Variants in DNAH17 observed in about 807,000 individuals in gnomAD.
DNAH17 encodes axonemal beta dynein heavy chain 17.
Under a neutral mutation model 485.6 loss-of-function variants are expected in DNAH17, and 376 were observed. The ratio of observed to expected loss-of-function variants is 0.77; its 90% CI spans 0.71 to 0.84. The LOEUF (loss-of-function observed/expected upper bound fraction) is 0.84. DNAH17 is among the 40% of genes least tolerant of loss of function. The pLI is 0.00. For synonymous variants in DNAH17, 3,031 were observed against 2,405.9 expected, an observed-to-expected ratio of 1.26 and a Z score of -7.60; for missense variants, 6,370 against 5,839.3, an observed-to-expected ratio of 1.09 and a Z score of -2.96.
intron 13 of DNAH17, among the ~76,000 whole-genome samples, chr17:78,560,424 C>A (rs1757661526): frequency 6.6e-6 from 1 of 152,162 alleles, no homozygotes; most frequent in Non-Finnish European, 1.5e-5. Context: ...GAATTCTCCC[C>A]AGTGTGCCTG....
intron 14 of DNAH17, among the ~76,000 whole-genome samples, chr17:78,554,598 G>C (rs2091980951): frequency 6.6e-6 from 1 of 151,660 alleles, no homozygotes; most frequent in African/African-American, 2.4e-5. Flanking sequence ...TAAATAATAA[G>C]CACCATTTAG....
Position 78,570,374 on chromosome 17 carries a change from TG to T in DNAH17, c.919-3del, listed in dbSNP as rs1409811363. 1.2e-6 allele frequency: 2 copies of T among 1,609,446 alleles called. No individual in the cohort carries two copies. Among genetic ancestry groups the T allele is most frequent in the Admixed American group, 3.4e-5 (2 of 59,554 alleles). ...CACCTTGGCAATGAAGGTGGGGAGC[TG>T]GGGGGAGACAGGCCCAGGCACACTG... On this transcript the variant is annotated splice_region_variant and splice_polypyrimidine_tract_variant and intron_variant, in intron 6 of 80. Coordinates refer to ENST00000389840, the MANE Select transcript of DNAH17 (RefSeq NM_173628.4).
At chr17:78,490,874 G>C (rs1044820580) in intron 43 of DNAH17, 27 bp from the exon 44 acceptor site, 21 of 1,563,542 alleles carry the variant, frequency 1.3e-5, no homozygotes, top group Non-Finnish European at 1.8e-5. Context: ...AGCCCGTGGG[G>C]TCCTAAGGCG....
rs374360300 is a variant in DNAH17 at position 78,426,992 on chromosome 17, A to G, written c.12705T>C (p.Cys4235=). The part of the protein sequence containing the change: ...TPYVVVAFQE[C]ERMNILTNEM... ...CGTTGGTCAGGATGTTCATTCTTTC[A>G]CATTCTTGAAAGGCGACTACCACGT... The change falls in exon 78 of 81, where the codon TGT becomes TGC. Residue 4235 remains cysteine, a synonymous_variant. Coordinates refer to ENST00000389840, the MANE Select transcript of DNAH17 (RefSeq NM_173628.4). 3.4e-4 allele frequency: 546 copies of G among 1,610,432 alleles called. 3 individuals are homozygous for G. The highest frequency in any genetic ancestry group is 1.2e-3 in the South Asian group (110 of 90,228).
intron 80 of DNAH17, chr17:78,424,405 T>C: frequency 2.2e-6 from 1 of 451,174 alleles, no homozygotes; most frequent in East Asian, 3.5e-5. Flanking sequence ...TTTAAATCTG[T>C]GGCATTTTCA....
chr17:78,567,718 GCTCC>G (rs955596031), intron 9 of DNAH17, among the ~76,000 whole-genome samples: 2 of 152,016 alleles, frequency 1.3e-5, no homozygotes, highest in African/African-American at 4.8e-5. Flanking sequence ...TCCCTGAAGC[GCTCC>G]CTGACTATTT....
Position 78,526,694 on chromosome 17 carries a change from G to A in DNAH17, c.3668C>T (p.Pro1223Leu), listed in dbSNP as rs918459056. The A allele has an allele frequency of 2.9e-5, 46 of 1,611,144 alleles. No homozygotes were observed. Among genetic ancestry groups the A allele is most frequent in the Non-Finnish European group, 3.8e-5 (45 of 1,177,836 alleles). Residue 1223 changes from proline (P) to leucine (L), a missense_variant, in exon 24 of 81, where the codon CCG (proline) becomes CTG (leucine). By Grantham distance (98) the Pro-to-Leu change is moderately conservative. Transcript: ENST00000389840. ...EFRERFRREA[P>L]FSFSDPNPYK... Reference sequence around the variant, plus strand: ...GGGGTTGGGGTCGCTGAAGGAGAACGGGGCCTCGCGCCTGAACCTCTCCCT... The same window carrying A: ...GGGGTTGGGGTCGCTGAAGGAGAACAGGGCCTCGCGCCTGAACCTCTCCCT...
chr17:78,453,000 G>T (rs1250118258), intron 65 of DNAH17, among the ~76,000 whole-genome samples: 1 of 151,994 alleles, frequency 6.6e-6, no homozygotes, highest in Admixed American at 6.6e-5. Context: ...ATTTTAATGT[G>T]GTTAATTTTA....
Position 78,571,303 on chromosome 17 carries a change from T to A in DNAH17, c.808A>T (p.Asn270Tyr). The change falls in exon 5 of 81, where the codon AAC becomes TAC. Residue 270 changes from asparagine (N) to tyrosine (Y), a missense_variant. Physicochemically the swap from Asn to Tyr is moderately radical, Grantham distance 143. Transcript: ENST00000389840. Reference sequence around the variant, plus strand: ...CCTTCAGTGACGTTGGTGTAAACGTTTTGCAGGGCTGGCCAGTAGCAGCTT... The same window carrying A: ...CCTTCAGTGACGTTGGTGTAAACGTATTGCAGGGCTGGCCAGTAGCAGCTT... ...AKSCYWPALQ[N>Y]VYTNVTEGLK... is the part of the protein sequence containing the mutation. The A allele has an allele frequency of 6.2e-7, 1 of 1,613,772 alleles. No individual in the cohort carries two copies. Among genetic ancestry groups the A allele is most frequent in the African/African-American group, 1.3e-5 (1 of 75,038 alleles).
At position 78,506,788 on chromosome 17, in the gene DNAH17, G is replaced by A; in HGVS notation, c.4735C>T (p.Pro1579Ser). 1 of 1,613,978 alleles carries A rather than the reference G, an allele frequency of 6.2e-7. No individual in the cohort carries two copies. Among genetic ancestry groups the A allele is most frequent in the Non-Finnish European group, 8.5e-7 (1 of 1,179,888 alleles). The stretch of plus-strand genomic sequence containing the variant: ...GCCGAGGAGACAAAATAGAACCGGG[G>A]GAAAGCCAGTCTTTTCGTCTCTAAA... ...EYLETKRLAF[P>S]RFYFVSSADL... Residue 1579 changes from proline (P) to serine (S), a missense_variant, in exon 30 of 81, where the codon CCC becomes TCC. Transcript: ENST00000389840.
At chr17:78,504,815 C>T (rs2090432082) in intron 31 of DNAH17, among the ~76,000 whole-genome samples, 1 of 149,086 alleles carries the variant, frequency 6.7e-6, no homozygotes, top group Admixed American at 6.7e-5. Context: ...TGGGAATTGG[C>T]AGTTCAGAGA....
At position 78,462,866 on chromosome 17, in the gene DNAH17, T is replaced by C. The variant is rs1321864763; in HGVS notation, c.9152A>G (p.Lys3051Arg). ...TACCTGGGAAGCCGTGCTCTGCAGC[T>C]TCATCAGGCCGTTCTCCAGCCTCTC... ...KIERLENGLM[K>R]LQSTASQVDD... Residue 3051 changes from lysine to arginine, a missense_variant, in exon 57 of 81, where the codon AAG becomes AGG. By Grantham distance (26) the Lys-to-Arg change is conservative. Transcript: ENST00000389840. The C allele has an allele frequency of 1.2e-6, 2 of 1,613,990 alleles. No individual in the cohort carries two copies.
chr17:78,426,844 A>T, intron 78 of DNAH17, 82 bp downstream of exon 78: 1 of 1,504,068 alleles, frequency 6.6e-7, no homozygotes. Flanking sequence ...GGCCTGTGCT[A>T]GGCCTGGGTT....
chr17:78,514,966 C>T lies in DNAH17; in HGVS notation c.3921G>A (p.Glu1307=), dbSNP rs995080346. The part of the protein sequence containing the change: ...KTTKWKDINV[E]QMDIDCKKFA... The stretch of plus-strand genomic sequence containing the variant: ...ACTTCTTACAATCTATGTCCATCTG[C>T]TCAACGTTGATATCTTTCCACTTGG... The change falls in exon 26 of 81, where the codon GAG becomes GAA. Residue 1307 remains glutamate, a synonymous_variant. Coordinates refer to ENST00000389840, the MANE Select transcript of DNAH17 (RefSeq NM_173628.4). The T allele has an allele frequency of 5.0e-6, 8 of 1,614,062 alleles. No individual in the cohort carries two copies. Among genetic ancestry groups the T allele is most frequent in the Non-Finnish European group, 5.9e-6 (7 of 1,179,906 alleles).
chr17:78,424,357 C>T lies in DNAH17; in HGVS notation c.13142-204G>A, dbSNP rs2086306062. Reference sequence around the variant, plus strand: ...TGTAACTACCCCGTCCCGCTGGGCTCAAGGAACAGCTCAGCTAAAGCCCTC... The same window carrying T: ...TGTAACTACCCCGTCCCGCTGGGCTTAAGGAACAGCTCAGCTAAAGCCCTC... On this transcript the variant is annotated intron_variant, in intron 80 of 80. Coordinates refer to ENST00000389840, the MANE Select transcript of DNAH17 (RefSeq NM_173628.4). 5 of 568,296 alleles carry T rather than the reference C, an allele frequency of 8.8e-6. No individual in the cohort carries two copies. In the Admixed American group the frequency reaches 9.6e-5, roughly 11 times the overall value. 35.2% of individuals were successfully genotyped at this position (568,296 alleles called of 1,614,324 possible).
intron 75 of DNAH17, among the ~76,000 whole-genome samples, chr17:78,430,990 C>G (rs2086650230): frequency 6.6e-6 from 1 of 152,126 alleles, no homozygotes; most frequent in Non-Finnish European, 1.5e-5. Context: ...AAGCGACCCT[C>G]CCACTTCAGC....
intron 16 of DNAH17, among the ~76,000 whole-genome samples, chr17:78,544,629 T>C (rs545452424): frequency 1.6e-3 from 244 of 151,982 alleles, no homozygotes; most frequent in Non-Finnish European, 2.5e-3. Context: ...GGTGAAACCC[T>C]GTCTCTACTA....
chr17:78,460,360 A>ATGTGTGTGCATGTG (rs2088049953), intron 58 of DNAH17, 103 bp from the exon 59 acceptor site: 3 of 151,472 alleles, frequency 2.0e-5, no homozygotes, highest in South Asian at 1.0e-4. Context: ...GTGTGCATGT[A>ATGTGTGTGCATGTG]TGCACGTGCA....
rs1568034433 is a variant in DNAH17 at position 78,426,546 on chromosome 17, C to G, written c.12826G>C (p.Asp4276His). ...GCCACCCACGTATCAGGCACGGTGT[C>G]ATAGAAGAGAGCCGTGGACAGATCT... The part of the protein sequence containing the change: ...VEDLSTALFY[D>H]TVPDTWVARA... The change falls in exon 79 of 81, where the codon GAC (aspartate) becomes CAC (histidine). Residue 4276 changes from aspartate to histidine, a missense_variant. Asp to His is a moderately conservative substitution (Grantham distance 81). Transcript: ENST00000389840. 3 of 1,613,684 alleles carry G rather than the reference C, an allele frequency of 1.9e-6. No individual in the cohort carries two copies. The East Asian group carries it at 6.7e-5, about 36-fold the overall frequency.
Sources: gnomAD v4.1 joint callset for allele counts (sites outside exome capture counted in the v4.1 genomes callset) on GRCh38, gnomAD v4.1.1 for gene constraint, MANE v1.5 for transcripts, NCBI Gene and HGNC (gene_info 2026-07-23, HGNC 2026-07-21) for gene names.